The following ADNP variants were observed in gnomAD, a reference collection of about 807,000 sequenced individuals.
ADNP encodes activity dependent neuroprotector homeobox, also known as activity-dependent neuroprotector homeobox protein.
ADNP carries 4 observed loss-of-function variants against 84.9 expected under a neutral mutation model. The ratio of observed to expected loss-of-function variants is 0.05; its 90% CI spans 0.02 to 0.11. The LOEUF (loss-of-function observed/expected upper bound fraction) is 0.11, where lower values mean the gene tolerates loss of function less well. Ranked by LOEUF, ADNP falls within the 10% of genes least tolerant of loss-of-function variation. ADNP has a pLI of 1.00. For missense variants in ADNP, 1,132 were observed against 1,326.0 expected, an observed-to-expected ratio of 0.85 and a Z score of 2.27; for synonymous variants, 554 against 468.1, an observed-to-expected ratio of 1.18 and a Z score of -2.37.
chr20:50,892,497 G>C lies in ADNP; in HGVS notation c.2217C>G (p.Pro739=). The C allele has an allele frequency of 6.2e-7, 1 of 1,614,182 alleles. No homozygotes were observed. Among genetic ancestry groups the C allele is most frequent in the Non-Finnish European group, 8.5e-7 (1 of 1,180,046 alleles). ...CTTCAGGCTTCTCTTCAAAGAAGCT[G>C]GGTGAATCACTATCATCATCTAACT... The part of the protein sequence containing the change: ...KRKLDDDSDS[P]SFFEEKPEEP... The change falls in exon 6 of 6, where the codon CCC becomes CCG. Residue 739 remains proline (P), a synonymous_variant. Transcript: ENST00000621696.
intron 2 of ADNP, among the ~76,000 whole-genome samples, chr20:50,923,985 T>G (rs1984130696): frequency 6.6e-6 from 1 of 152,142 alleles, no homozygotes; most frequent in Non-Finnish European, 1.5e-5. Flanking sequence ...ATATTTCCAC[T>G]AGACAGGAGT....
intron 2 of ADNP, among the ~76,000 whole-genome samples, chr20:50,908,428 T>C (rs764713637): frequency 2.6e-5 from 4 of 152,210 alleles, no homozygotes; most frequent in Non-Finnish European, 5.9e-5. Context: ...TTGCAGCTAC[T>C]GCTTGCTGTT....
chr20:50,920,398 T>TA (rs982087177), intron 2 of ADNP, among the ~76,000 whole-genome samples: 4 of 150,632 alleles, frequency 2.7e-5, no homozygotes, highest in Admixed American at 1.3e-4. Flanking sequence ...CTGACCAACA[T>TA]GGTGAAACCC....
rs6096175 is a variant in ADNP at position 50,903,765 on chromosome 20, G to A, written c.108+124C>T. The A allele has an allele frequency of 0.021, 14,838 of 703,394 alleles. 300 individuals carry two copies. The highest frequency in any genetic ancestry group is 0.078 in the African/African-American group (4,317 of 55,616). 43.6% of individuals were successfully genotyped at this position (703,394 alleles called of 1,614,324 possible). On this transcript the variant is annotated intron_variant, in intron 4 of 5. Transcript: ENST00000621696. Reference sequence around the variant, plus strand: ...AGTTAATGCTATTGAGAATGTTTTCGTGAAGCTACTGCTGTGGCTGAAATT... The same window carrying A: ...AGTTAATGCTATTGAGAATGTTTTCATGAAGCTACTGCTGTGGCTGAAATT...
intron 2 of ADNP, among the ~76,000 whole-genome samples, chr20:50,908,985 T>C (rs542502966): frequency 1.3e-3 from 192 of 151,548 alleles, no homozygotes; most frequent in African/African-American, 4.5e-3. Flanking sequence ...ACCTTAACAC[T>C]AATGCCAAAA....
At position 50,892,168 on chromosome 20, in the gene ADNP, T is replaced by C; in HGVS notation, c.2546A>G (p.His849Arg). ...DFDAEWLFEN[H>R]DEKDSRVNAS... is the part of the protein sequence containing the mutation. ...ATTGACTCTGGAATCCTTCTCATCA[T>C]GATTTTCAAATAGCCACTCAGCATC... is the stretch of plus-strand genomic sequence containing the variant. Residue 849 changes from histidine to arginine, a missense_variant, in exon 6 of 6, where the codon CAT becomes CGT. This residue lies in a region of ADNP where 381 missense variants were observed against 319.9 expected (regional missense o/e 1.19). Transcript: ENST00000621696. 6.2e-7 allele frequency: 1 copy of C among 1,614,218 alleles called. No homozygotes were observed. Among genetic ancestry groups the C allele is most frequent in the Non-Finnish European group, 8.5e-7 (1 of 1,180,040 alleles).
chr20:50,912,567 C>T (rs1352264361), intron 2 of ADNP, among the ~76,000 whole-genome samples: 2 of 152,166 alleles, frequency 1.3e-5, no homozygotes. Context: ...TTCCCTGCCC[C>T]CAAGTACCTC....
intron 2 of ADNP, among the ~76,000 whole-genome samples, chr20:50,912,049 T>G (rs1983088102): frequency 1.3e-5 from 2 of 152,154 alleles, no homozygotes; most frequent in Non-Finnish European, 1.5e-5. Context: ...AAACTTTCAT[T>G]TCCACTAAGA....
chr20:50,914,415 T>A, intron 2 of ADNP: 1 of 510,808 alleles, frequency 2.0e-6, no homozygotes, highest in South Asian at 2.9e-5. Context: ...TTGGATTTCT[T>A]CTTACTTTCT....
Position 50,930,366 on chromosome 20 carries a change from C to T in ADNP, c.-265+460G>A, listed in dbSNP as rs1180378236. Among the ~76,000 whole-genome samples, 8 of 151,080 alleles carry T rather than the reference C, an allele frequency of 5.3e-5. No homozygotes were observed. In the East Asian group the frequency reaches 1.4e-3, roughly 26 times the overall value. On this transcript the variant is annotated intron_variant, in intron 1 of 5. Coordinates refer to ENST00000621696, the MANE Select transcript of ADNP (RefSeq NM_001282531.3). ...TGCTCCCCGCCCCCCCCAACCCCGT[C>T]CCCCCTCCCCCAGGTAAGGGTGGGC...
intron 2 of ADNP, among the ~76,000 whole-genome samples, chr20:50,911,187 A>T (rs1050291613): frequency 6.6e-6 from 1 of 152,198 alleles, no homozygotes; most frequent in African/African-American, 2.4e-5. Context: ...CATATGCATG[A>T]TATTTGTATC....
At chr20:50,911,793 A>G (rs1359774353) in intron 2 of ADNP, among the ~76,000 whole-genome samples, 1 of 152,198 alleles carries the variant, frequency 6.6e-6, no homozygotes, top group Non-Finnish European at 1.5e-5. Context: ...CCTGTTTTAG[A>G]TAAGCAAAAG....
In ADNP at chr20:50,914,240, G is replaced by T. The variant is rs560942856; in HGVS notation, c.-89-9391C>A. 13 of 724,492 alleles carry T rather than the reference G, an allele frequency of 1.8e-5. No homozygotes were observed. In the South Asian group the frequency reaches 2.1e-4, roughly 12 times the overall value. 44.9% of individuals were successfully genotyped at this position (724,492 alleles called of 1,614,324 possible). On this transcript the variant is annotated intron_variant, in intron 2 of 5. Transcript: ENST00000621696. Reference sequence around the variant, plus strand: ...TCCACAATCATCCAAGACACTGAGGGTAACACTCCTCCACACTTAGTCTGT... The same window carrying T: ...TCCACAATCATCCAAGACACTGAGGTTAACACTCCTCCACACTTAGTCTGT...
At chr20:50,918,288 C>G (rs922983931) in intron 2 of ADNP, among the ~76,000 whole-genome samples, 3 of 152,134 alleles carry the variant, frequency 2.0e-5, no homozygotes, top group African/African-American at 7.2e-5. Flanking sequence ...GCATTTATCA[C>G]TGATGGATCT....
At position 50,889,776 on chromosome 20, in the gene ADNP, T is replaced by TTCTC. The variant is rs1443115830; in HGVS notation, c.*1625_*1628dup. The TTCTC allele has an allele frequency of 1.5e-5, 6 of 397,652 alleles. No individual in the cohort carries two copies. Among genetic ancestry groups the TTCTC allele is most frequent in the Non-Finnish European group, 1.3e-5 (3 of 225,662 alleles). The allele number at this position is 397,652 out of a possible 1,614,324, so 24.6% of individuals were successfully genotyped here. On this transcript the variant is annotated 3_prime_UTR_variant, in exon 6 of 6. Transcript: ENST00000621696. ...GTAACTTTCTGCTTTTTAGTACAAGTTCTCTTGGGAATCTACGCATGGTAA... is the reference window on the plus strand; with the variant it reads ...GTAACTTTCTGCTTTTTAGTACAAGTTCTCTCTCTTGGGAATCTACGCATGGTAA...
At chr20:50,914,090 C>T (rs1983310807) in intron 2 of ADNP, 2 of 739,026 alleles carry the variant, frequency 2.7e-6, no homozygotes, top group South Asian at 1.5e-5. Context: ...CATGAGATTG[C>T]TCTCATGTTA....
chr20:50,927,799 T>C (rs1301254060), intron 2 of ADNP, among the ~76,000 whole-genome samples: 1 of 152,240 alleles, frequency 6.6e-6, no homozygotes, highest in African/African-American at 2.4e-5. Flanking sequence ...AAATGGCTGT[T>C]ACCACTTAGG....
At chr20:50,913,592 G>GC (rs775312919) in intron 2 of ADNP, 140 of 168,212 alleles carry the variant, frequency 8.3e-4, no homozygotes, top group Middle Eastern at 5.6e-3. Context: ...CAGAATCAAA[G>GC]CATCAGTTAA....
Position 50,902,104 on chromosome 20 carries a change from A to T in ADNP, c.114T>A (p.Phe38Leu). 6.2e-7 allele frequency: 1 copy of T among 1,602,004 alleles called. No individual in the cohort carries two copies. The highest frequency in any genetic ancestry group is 1.1e-5 in the South Asian group (1 of 90,828). ...AAAAGTCATTAGGTTCAAATTGTTT[A>T]AAATCCTAGAAAACAGTGAAATAAG... is the stretch of plus-strand genomic sequence containing the variant. ...LEYCKEHIED[F>L]KQFEPNDFYL... is the part of the protein sequence containing the mutation. The change falls in exon 5 of 6, where the codon TTT becomes TTA. Residue 38 changes from phenylalanine to leucine, a missense_variant. By Grantham distance (22) the Phe-to-Leu change is conservative (BLOSUM62 0). This residue lies in a region of ADNP where 56 missense variants were observed against 94.6 expected (regional missense o/e 0.59). Coordinates refer to ENST00000621696, the MANE Select transcript of ADNP (RefSeq NM_001282531.3).
Sources: gnomAD v4.1 joint callset for allele counts (sites outside exome capture counted in the v4.1 genomes callset) on GRCh38, gnomAD v4.1.1 for gene constraint, gnomAD v4.1.1 regional missense constraint, MANE v1.5 for transcripts, NCBI Gene and HGNC (gene_info 2026-07-23, HGNC 2026-07-21) for gene names.